The following TMEM50B variants were observed in gnomAD, a reference collection of about 807,000 sequenced individuals.
TMEM50B encodes HCV p7-trans-regulated protein 3.
TMEM50B carries 14 observed loss-of-function variants against 23.4 expected under a neutral mutation model. The observed-to-expected ratio is 0.60, with a 90% CI of 0.39 to 0.93. TMEM50B has a LOEUF of 0.93. Among genes scored for constraint, TMEM50B ranks in the 40% least tolerant of loss-of-function variants. The probability of loss-of-function intolerance (pLI) is 0.00; values close to 1 mark genes in which losing one functional copy is unlikely to be tolerated. For missense variants in TMEM50B, 159 were observed against 193.0 expected (o/e 0.82, Z 1.04); for synonymous variants, 64 against 62.3 (o/e 1.03, Z -0.13).
chr21:33,462,605 A>G (rs1326891568), intron 4 of TMEM50B, among the ~76,000 whole-genome samples: 4 of 151,904 alleles, frequency 2.6e-5, no homozygotes, highest in Non-Finnish European at 5.9e-5. Flanking sequence ...CCAGGAGTTC[A>G]AGGCTTTTCT....
At chr21:33,453,488 C>T (rs2084141426) in intron 6 of TMEM50B, among the ~76,000 whole-genome samples, 1 of 152,068 alleles carries the variant, frequency 6.6e-6, no homozygotes, top group African/African-American at 2.4e-5. Flanking sequence ...CAACTTCGAG[C>T]AGCCTATTAT....
At chr21:33,467,645 C>T (rs1051664087) in intron 2 of TMEM50B, among the ~76,000 whole-genome samples, 3 of 152,102 alleles carry the variant, frequency 2.0e-5, no homozygotes, top group African/African-American at 7.2e-5. Flanking sequence ...AATATAAATA[C>T]AAAAATTAGC....
At chr21:33,433,859 C>T (rs1390570024) in intron 8 of TMEM50B, among the ~76,000 whole-genome samples, 2 of 151,940 alleles carry the variant, frequency 1.3e-5, no homozygotes, top group Non-Finnish European at 2.9e-5. Context: ...GCAGTAGACC[C>T]CTCTCCGAGG....
At chr21:33,448,812 T>TA (rs2084090219), downstream of TMEM50B, 1 of 150,630 alleles carries the variant, frequency 6.6e-6, no homozygotes, top group African/African-American at 2.4e-5. Context: ...AAAGCGGAGG[T>TA]AAGAGGATTG....
chr21:33,475,370 T>TG lies in TMEM50B; in HGVS notation c.-42+4467dup, dbSNP rs916639089. 4.6e-5 allele frequency among the ~76,000 whole-genome samples: 7 copies of TG among 151,684 alleles called. 1 individual carries two copies. Among genetic ancestry groups the TG allele is most frequent in the South Asian group, 4.2e-4 (2 of 4,796 alleles). ...ATTATTACTATTTTTTTTTGGGAGA[T>TG]GGAGTCTCGCTCTGTCGCCCAGGCT... On this transcript the variant is annotated intron_variant, in intron 1 of 6. Coordinates refer to ENST00000542230, the MANE Select transcript of TMEM50B (RefSeq NM_006134.7).
At chr21:33,479,083 T>G in intron 1 of TMEM50B, 1 of 298,016 alleles carries the variant, frequency 3.4e-6, no homozygotes, top group Non-Finnish European at 6.7e-6. Context: ...TCTCACTGCT[T>G]TGGTTTTGAA....
intron 1 of TMEM50B, among the ~76,000 whole-genome samples, chr21:33,477,406 A>T (rs2084383651): frequency 6.6e-6 from 1 of 152,120 alleles, no homozygotes; most frequent in Non-Finnish European, 1.5e-5. Context: ...CCTCCTAGGG[A>T]ATGGAATTGA....
At chr21:33,447,205 C>T (rs2084069081), downstream of TMEM50B, 1 of 144,914 alleles carries the variant, frequency 6.9e-6, no homozygotes, top group African/African-American at 2.4e-5. Context: ...TAGTTCAGCC[C>T]AGGGTTTCCC....
At chr21:33,439,866 C>A (rs566554595) in intron 7 of TMEM50B, among the ~76,000 whole-genome samples, 3 of 151,318 alleles carry the variant, frequency 2.0e-5, no homozygotes, top group South Asian at 4.2e-4. Flanking sequence ...GTCAACATGG[C>A]GAAAACCTGT....
intron 7 of TMEM50B, among the ~76,000 whole-genome samples, chr21:33,441,068 A>G (rs1335798876): frequency 6.6e-6 from 1 of 151,696 alleles, no homozygotes; most frequent in Non-Finnish European, 1.5e-5. Context: ...TGTCTCTACT[A>G]AAAATACAAA....
chr21:33,435,100 T>TC (rs2123378369), intron 8 of TMEM50B, among the ~76,000 whole-genome samples: 1 of 152,346 alleles, frequency 6.6e-6, no homozygotes, highest in East Asian at 1.9e-4. Flanking sequence ...CCAGTATCTT[T>TC]CAGCATTTCC....
chr21:33,442,747 C>A (rs2084018813), intron 7 of TMEM50B, among the ~76,000 whole-genome samples: 1 of 152,136 alleles, frequency 6.6e-6, no homozygotes, highest in Admixed American at 6.5e-5. Flanking sequence ...ATGGAGAAAC[C>A]CCGTCTCTAC....
chr21:33,477,892 T>C (rs1157489628), intron 1 of TMEM50B, among the ~76,000 whole-genome samples: 1 of 151,798 alleles, frequency 6.6e-6, no homozygotes, highest in East Asian at 1.9e-4. Context: ...TCCCAGCACT[T>C]TGGGAGGCTG....
chr21:33,470,707 C>G (rs13047446), intron 1 of TMEM50B, among the ~76,000 whole-genome samples: 2 of 151,812 alleles, frequency 1.3e-5, no homozygotes, highest in African/African-American at 4.8e-5. Flanking sequence ...GCCTGGGCAA[C>G]AGAGAAAGAC....
At chr21:33,436,408 A>C (rs2083951626) in intron 8 of TMEM50B, among the ~76,000 whole-genome samples, 1 of 152,108 alleles carries the variant, frequency 6.6e-6, no homozygotes, top group Non-Finnish European at 1.5e-5. Flanking sequence ...CTTATATCTG[A>C]ATAAAATAAC....
chr21:33,436,744 AAAT>A (rs2083957568), intron 8 of TMEM50B: 2 of 1,144,592 alleles, frequency 1.7e-6, no homozygotes, highest in Middle Eastern at 2.1e-4. Context: ...AATAAAAATA[AAAT>A]AAAAACAAAA....
chr21:33,468,749 T>C, intron 2 of TMEM50B, 38 bp downstream of exon 2: 1 of 1,537,434 alleles, frequency 6.5e-7, no homozygotes, highest in Non-Finnish European at 8.9e-7. Flanking sequence ...GGGCAAAAGG[T>C]AAGGGATACA....
chr21:33,446,291 C>T (rs762391413), downstream of TMEM50B, among the ~76,000 whole-genome samples: 26 of 149,420 alleles, frequency 1.7e-4, no homozygotes, highest in Non-Finnish European at 3.8e-4. Context: ...CACTGGAGTA[C>T]AGTGGCTTGA....
chr21:33,462,855 G>C (rs750449252), intron 4 of TMEM50B, among the ~76,000 whole-genome samples: 1 of 152,158 alleles, frequency 6.6e-6, no homozygotes, highest in Non-Finnish European at 1.5e-5. Context: ...ATGATGAAAA[G>C]TAAGCGCGAT....
Sources: gnomAD v4.1 joint callset for allele counts (sites outside exome capture counted in the v4.1 genomes callset) on GRCh38, gnomAD v4.1.1 for gene constraint, MANE v1.5 for transcripts, NCBI Gene and HGNC (gene_info 2026-07-23, HGNC 2026-07-21) for gene names.